Variants in RBM41 observed in about 807,000 individuals in gnomAD.
RBM41 encodes RNA binding motif protein 41, also known as RNA-binding protein 41.
Under a neutral mutation model 30.8 loss-of-function variants are expected in RBM41, and 14 were observed. That is an observed-to-expected ratio of 0.45 (90% CI 0.30 to 0.71). RBM41 has a LOEUF of 0.71. Ranked by LOEUF, RBM41 falls within the 30% of genes least tolerant of loss-of-function variation. The pLI, the probability that RBM41 is intolerant of heterozygous loss-of-function variation, is 0.08. For synonymous variants in RBM41, 120 were observed against 110.1 expected (o/e 1.09, Z -0.56); for missense variants, 276 against 326.3 (o/e 0.85, Z 1.19).
chrX:107,055,603 C>T, the RBM41 span, among the ~76,000 whole-genome samples: 5 of 112,629 alleles, frequency 4.4e-5, no homozygotes, highest in Non-Finnish European at 9.4e-5. Context: ...GGATTACAGG[C>T]GTGAGCCACT....
Position 107,115,565 on chromosome X carries a change from AG to A in RBM41, c.319-10del. Reference sequence around the variant, plus strand: ...GCCCTCAGTTTTGTCTTCTGAAACCAGAGGAATGAGATGGCATGTATCATAG... The same window carrying A: ...GCCCTCAGTTTTGTCTTCTGAAACCAAGGAATGAGATGGCATGTATCATAG... On this transcript the variant is annotated splice_polypyrimidine_tract_variant and intron_variant, in intron 3 of 7. Transcript: ENST00000685964. The A allele has an allele frequency of 1.7e-6, 2 of 1,190,352 alleles. No homozygotes were observed. Among genetic ancestry groups the A allele is most frequent in the Non-Finnish European group, 1.1e-6 (1 of 876,939 alleles).
chrX:107,077,012 C>T (rs189574901), intron 6 of RBM41, among the ~76,000 whole-genome samples: 71 of 111,918 alleles, frequency 6.3e-4, no homozygotes, highest in Middle Eastern at 4.6e-3. Flanking sequence ...AATTGACTTG[C>T]CTATGCTCTC....
chrX:107,104,617 T>A (rs1923777970), intron 5 of RBM41, among the ~76,000 whole-genome samples: 1 of 111,551 alleles, frequency 9.0e-6, no homozygotes, highest in African/African-American at 3.3e-5. Context: ...AAGAAGAAGA[T>A]CTTGTCAAAG....
chrX:107,117,402 G>A (rs1490934303), intron 1 of RBM41, among the ~76,000 whole-genome samples: 1 of 112,050 alleles, frequency 8.9e-6, no homozygotes, highest in Non-Finnish European at 1.9e-5. Context: ...AACTACTGAA[G>A]TAAAAGGTGA....
At chrX:107,108,913 T>C (rs1014075980) in intron 5 of RBM41, among the ~76,000 whole-genome samples, 1 of 111,751 alleles carries the variant, frequency 8.9e-6, no homozygotes, top group African/African-American at 3.3e-5. Context: ...GGCACTTCAA[T>C]GAAAAGCCAC....
chrX:107,064,506 A>G lies in RBM41; in HGVS notation c.*3021T>C, dbSNP rs930278139. ...CCAAGGAATCCTCCCACTTCGGCCTACCAAAGTGCTGAGATTTCAGGCGTG... is the reference window on the plus strand; with the variant it reads ...CCAAGGAATCCTCCCACTTCGGCCTGCCAAAGTGCTGAGATTTCAGGCGTG... On this transcript the variant is annotated 3_prime_UTR_variant, in exon 8 of 8. Coordinates refer to ENST00000685964, the MANE Select transcript of RBM41 (RefSeq NM_001324242.2). The G allele has an allele frequency of 9.2e-6, 1 of 108,262 alleles. No homozygotes were observed. The allele number at this position is 108,262 out of a possible 1,213,427, so 8.9% of individuals were successfully genotyped here. A position where few individuals can be genotyped will look rare whatever the true frequency, so the allele number is the denominator to read the frequency against.
chrX:107,077,572 TA>T (rs1921084361), intron 6 of RBM41, among the ~76,000 whole-genome samples: 2 of 67,692 alleles, frequency 3.0e-5, no homozygotes, highest in African/African-American at 1.8e-4. Context: ...ACAACATACA[TA>T]ACACACACAC....
rs918938734 is a variant in RBM41, at chrX:107,099,810, A to G, written c.596-10971T>C. On this transcript the variant is annotated intron_variant, in intron 5 of 7. Transcript: ENST00000685964. ...TGTGTGATCTCCAATTGTATTCCGG[A>G]TTTATAATTGAGAAACCTGATTGCA... Among the ~76,000 whole-genome samples the G allele has an allele frequency of 9.0e-5, 10 of 111,197 alleles. No homozygotes were observed. In the Admixed American group the frequency reaches 9.6e-4, roughly 11 times the overall value.
downstream of RBM41, among the ~76,000 whole-genome samples, chrX:107,056,894 G>C (rs1336700050): frequency 1.1e-5 from 1 of 91,889 alleles, no homozygotes; most frequent in Non-Finnish European, 2.1e-5. Flanking sequence ...TTTTTTTTGG[G>C]GGGGGCGACA....
intron 6 of RBM41, among the ~76,000 whole-genome samples, chrX:107,077,573 A>AACACACACACACAC (rs35841168): frequency 0.027 from 2,458 of 92,591 alleles, 104 homozygotes; most frequent in African/African-American, 0.082. Flanking sequence ...CAACATACAT[A>AACACACACACACAC]ACACACACAC....
intron 6 of RBM41, among the ~76,000 whole-genome samples, chrX:107,072,985 AAT>A (rs1936116840): frequency 1.8e-5 from 2 of 111,330 alleles, no homozygotes; most frequent in African/African-American, 6.5e-5. Flanking sequence ...CCTATACAAA[AAT>A]CAACTCAAAA....
At chrX:107,115,154 C>T (rs774228190) in intron 4 of RBM41, 198 bp downstream of exon 4, 43 of 441,751 alleles carry the variant, frequency 9.7e-5, no homozygotes, top group Non-Finnish European at 1.6e-4. Flanking sequence ...TTATTCAAAT[C>T]TCTATAATAG....
chrX:107,071,624 C>T (rs1424553459), intron 6 of RBM41, among the ~76,000 whole-genome samples: 3 of 111,814 alleles, frequency 2.7e-5, no homozygotes, highest in Non-Finnish European at 3.8e-5. Context: ...CAATGTAATA[C>T]AACACATTAA....
Position 107,067,463 on chromosome X carries a change from T to G in RBM41, c.*64A>C. The G allele has an allele frequency of 8.8e-7, 1 of 1,133,283 alleles. No homozygotes were observed. The highest frequency in any genetic ancestry group is 1.2e-6 in the Non-Finnish European group (1 of 857,073). The allele number at this position is 1,133,283 out of a possible 1,213,427, so 93.4% of individuals were successfully genotyped here. A position where few individuals can be genotyped will look rare whatever the true frequency, so the allele number is the denominator to read the frequency against. On this transcript the variant is annotated 3_prime_UTR_variant, in exon 8 of 8. Transcript: ENST00000685964. ...CTCCAAACAAACTGGTGTCTATACA[T>G]AAATCCTAGATCCAAGATTCCAATT...
downstream of RBM41, among the ~76,000 whole-genome samples, chrX:107,058,060 G>A (rs746263128): frequency 2.6e-4 from 29 of 110,937 alleles, no homozygotes; most frequent in Non-Finnish European, 3.8e-4. Flanking sequence ...TAGGGAGGCC[G>A]AGGCGGGTGG....
At chrX:107,060,608 C>G (rs746799282), downstream of RBM41, among the ~76,000 whole-genome samples, 6 of 110,947 alleles carry the variant, frequency 5.4e-5, no homozygotes, top group Non-Finnish European at 9.4e-5. Context: ...AGTATCTGTT[C>G]TTTAAAAATT....
At chrX:107,105,269 T>C (rs906108805) in intron 5 of RBM41, among the ~76,000 whole-genome samples, 1 of 109,124 alleles carries the variant, frequency 9.2e-6, no homozygotes, top group Non-Finnish European at 1.9e-5. Context: ...CCATTCACAA[T>C]TGCTTCAAAG....
chrX:107,076,647 A>G (rs916263687), intron 6 of RBM41, among the ~76,000 whole-genome samples: 2 of 111,269 alleles, frequency 1.8e-5, no homozygotes, highest in Non-Finnish European at 3.8e-5. Context: ...GCTGTACAAC[A>G]TTGTGCTTAT....
chrX:107,092,844 C>G (rs1379513730), intron 5 of RBM41, among the ~76,000 whole-genome samples: 1 of 111,555 alleles, frequency 9.0e-6, no homozygotes, highest in African/African-American at 3.3e-5. Context: ...TACAATCCAT[C>G]AATTCAACTC....
Sources: gnomAD v4.1 joint callset for allele counts (sites outside exome capture counted in the v4.1 genomes callset) on GRCh38, gnomAD v4.1.1 for gene constraint, MANE v1.5 for transcripts, NCBI Gene and HGNC (gene_info 2026-07-23, HGNC 2026-07-21) for gene names.